Variants in MAP2K5 observed in about 807,000 individuals in gnomAD.
MAP2K5 encodes the protein mitogen-activated protein kinase kinase 5, also known as dual specificity mitogen-activated protein kinase kinase 5.
MAP2K5 carries 49 observed loss-of-function variants against 83.1 expected under a neutral mutation model. That is an observed-to-expected ratio of 0.59 (90% CI 0.47 to 0.75). The LOEUF is 0.75. Ranked by LOEUF, MAP2K5 falls within the 30% of genes least tolerant of loss-of-function variation. MAP2K5 has a pLI of 0.00. For synonymous variants in MAP2K5, 202 were observed against 191.8 expected (o/e 1.05, Z -0.44); for missense variants, 457 against 557.5 (o/e 0.82, Z 1.82).
Position 67,725,008 on chromosome 15 carries a change from C to T in MAP2K5, c.1045-2908C>T, listed in dbSNP as rs578032156. Among the ~76,000 whole-genome samples the T allele has an allele frequency of 2.6e-5, 4 of 152,292 alleles. No individual in the cohort carries two copies. The East Asian group carries it at 7.7e-4, about 29-fold the overall frequency. ...TGCAAGATGTCTTACAAGCAGTCCT[C>T]CCAGGAACATAGTTAAAAGGTAGGA... On this transcript the variant is annotated intron_variant, in intron 16 of 21. Coordinates refer to ENST00000178640, the MANE Select transcript of MAP2K5 (RefSeq NM_145160.3).
At position 67,717,611 on chromosome 15, in the gene MAP2K5, A is replaced by G. The variant is rs573138379; in HGVS notation, c.1045-10305A>G. The stretch of plus-strand genomic sequence containing the variant: ...TAAAATAACCATTTATTTACTCAGG[A>G]TTCTGTGGGTCAGGAATCCTAGCAA... On this transcript the variant is annotated intron_variant, in intron 16 of 21. Transcript: ENST00000178640. This position sits in a 1 kb window ranked among gnomAD's most constrained non-coding sequence, Gnocchi z 4.1. Among the ~76,000 whole-genome samples the G allele has an allele frequency of 2.6e-4, 40 of 152,316 alleles. 1 individual carries two copies. The highest frequency in any genetic ancestry group is 6.8e-3 in the Middle Eastern group (2 of 294).
rs554665905 is a variant in MAP2K5, at chr15:67,617,769, G to A, written c.546-13119G>A. Among the ~76,000 whole-genome samples the A allele has an allele frequency of 4.6e-5, 7 of 152,258 alleles. No individual in the cohort carries two copies. The South Asian group carries it at 1.2e-3, about 27-fold the overall frequency. On this transcript the variant is annotated intron_variant, in intron 8 of 21. Transcript: ENST00000178640. ...TGCAGTGATACGATCATGGCTTACT[G>A]TAGCATCAACCTCCCAGGCTCAAGT...
chr15:67,722,228 C>T lies in MAP2K5; in HGVS notation c.1045-5688C>T, dbSNP rs148882555. Reference sequence around the variant, plus strand: ...GATTCCACAAGTTATCAGCTAATGGCGTTATACATTAAAAATTGAAGCTTT... The same window carrying T: ...GATTCCACAAGTTATCAGCTAATGGTGTTATACATTAAAAATTGAAGCTTT... On this transcript the variant is annotated intron_variant, in intron 16 of 21. Transcript: ENST00000178640. The surrounding 1 kb of genome is among the most constrained non-coding windows in gnomAD (Gnocchi z 4.2). Among the ~76,000 whole-genome samples, 56 of 152,218 alleles carry T rather than the reference C, an allele frequency of 3.7e-4. No individual in the cohort carries two copies. In the East Asian group the frequency reaches 9.5e-3, roughly 26 times the overall value.
rs1001437161 is a variant in MAP2K5, at chr15:67,644,104, A to G, written c.586-2127A>G. On this transcript the variant is annotated intron_variant, in intron 9 of 21. Coordinates refer to ENST00000178640, the MANE Select transcript of MAP2K5 (RefSeq NM_145160.3). This position sits in a 1 kb window ranked among gnomAD's most constrained non-coding sequence, Gnocchi z 4.6. ...ATTCTCATCACTGCCTTTTAAAAGT[A>G]AAAAACAAGCTGGGCACGGTGGCTC... Among the ~76,000 whole-genome samples the G allele has an allele frequency of 1.3e-5, 2 of 152,168 alleles. No homozygotes were observed. The highest frequency in any genetic ancestry group is 2.9e-5 in the Non-Finnish European group (2 of 68,022).
chr15:67,751,974 C>G (rs1258020471), intron 19 of MAP2K5, among the ~76,000 whole-genome samples: 1 of 152,176 alleles, frequency 6.6e-6, no homozygotes, highest in Non-Finnish European at 1.5e-5. Context: ...TGCCTCTGTT[C>G]TCTATGGGCA....
chr15:67,784,655 C>G (rs1210983318), intron 21 of MAP2K5, among the ~76,000 whole-genome samples: 1 of 152,184 alleles, frequency 6.6e-6, no homozygotes, highest in Non-Finnish European at 1.5e-5. Context: ...TGCACCTGGT[C>G]TGTTAGTTGG....
chr15:67,556,678 A>G (rs2084633103), intron 2 of MAP2K5, among the ~76,000 whole-genome samples: 1 of 151,080 alleles, frequency 6.6e-6, no homozygotes, highest in Non-Finnish European at 1.5e-5. Flanking sequence ...CAGCCTCCCT[A>G]GTAGCTGGGA....
At position 67,652,731 on chromosome 15, in the gene MAP2K5, T is replaced by C. The variant is rs1343938557; in HGVS notation, c.737-5822T>C. On this transcript the variant is annotated intron_variant, in intron 11 of 21. Coordinates refer to ENST00000178640, the MANE Select transcript of MAP2K5 (RefSeq NM_145160.3). The surrounding 1 kb of genome is among the most constrained non-coding windows in gnomAD (Gnocchi z 4.2). ...GTTGTGCAACTGTCACCACCATCCA[T>C]CTGCAGAACTCTTTTTGTCTTGCAA... Among the ~76,000 whole-genome samples, 1 of 152,182 alleles carries C rather than the reference T, an allele frequency of 6.6e-6. No homozygotes were observed. Among genetic ancestry groups the C allele is most frequent in the Non-Finnish European group, 1.5e-5 (1 of 68,030 alleles).
At chr15:67,551,533 A>C (rs62015110) in intron 2 of MAP2K5, among the ~76,000 whole-genome samples, 1,843 of 152,124 alleles carry the variant, frequency 0.012, 24 homozygotes, top group South Asian at 0.017. Flanking sequence ...GGGTCTTGCT[A>C]TGTTGTCCAG....
intron 2 of MAP2K5, among the ~76,000 whole-genome samples, chr15:67,558,988 C>T (rs2140958940): frequency 6.6e-6 from 1 of 152,308 alleles, no homozygotes; most frequent in East Asian, 1.9e-4. Context: ...AAGAGGGAAG[C>T]AAGAAGCTAA....
chr15:67,544,926 A>G (rs948596064), intron 1 of MAP2K5, among the ~76,000 whole-genome samples: 5 of 152,126 alleles, frequency 3.3e-5, no homozygotes, highest in African/African-American at 1.2e-4. Flanking sequence ...AGTTCTCCAC[A>G]CAGTCATGCA....
In MAP2K5 at chr15:67,570,320, A is replaced by C. The variant is rs150112434; in HGVS notation, c.252+6970A>C. On this transcript the variant is annotated intron_variant, in intron 3 of 21. Transcript: ENST00000178640. ...CATCTGTCCAATAACATGAGCCTAT[A>C]AATAGGGCCCAGAGTTGGTCCCTGT... 1.2e-4 allele frequency among the ~76,000 whole-genome samples: 18 copies of C among 152,334 alleles called. No homozygotes were observed. The East Asian group carries it at 1.7e-3, about 15-fold the overall frequency.
intron 21 of MAP2K5, among the ~76,000 whole-genome samples, chr15:67,784,524 C>T (rs2090383300): frequency 6.6e-6 from 1 of 152,290 alleles, no homozygotes; most frequent in South Asian, 2.1e-4. Flanking sequence ...GGGCCGTGGT[C>T]GAGGCAGAGA....
intron 3 of MAP2K5, among the ~76,000 whole-genome samples, chr15:67,578,538 G>A (rs1255623346): frequency 6.6e-6 from 1 of 151,930 alleles, no homozygotes; most frequent in Non-Finnish European, 1.5e-5. Flanking sequence ...AAATATACTT[G>A]GATTTAGAGG....
rs1376177328 is a variant in MAP2K5, at chr15:67,748,969, T to C, written c.1134+368T>C. ...GTCATTCAGTAGGCAAGGGTCAGAG[T>C]TGAAGAGCAAGCATAAGCTGGATGA... On this transcript the variant is annotated intron_variant, in intron 19 of 21. Coordinates refer to ENST00000178640, the MANE Select transcript of MAP2K5 (RefSeq NM_145160.3). This position sits in a 1 kb window ranked among gnomAD's most constrained non-coding sequence, Gnocchi z 4.0. Among the ~76,000 whole-genome samples, 1 of 152,136 alleles carries C rather than the reference T, an allele frequency of 6.6e-6. No individual in the cohort carries two copies. The highest frequency in any genetic ancestry group is 1.5e-5 in the Non-Finnish European group (1 of 68,016).
chr15:67,654,797 A>C (rs904125123), intron 11 of MAP2K5, among the ~76,000 whole-genome samples: 1 of 152,154 alleles, frequency 6.6e-6, no homozygotes, highest in African/African-American at 2.4e-5. Context: ...ATGGTGGCTC[A>C]CACCTGTAAT....
At chr15:67,678,234 G>A (rs917214612) in intron 13 of MAP2K5, among the ~76,000 whole-genome samples, 20 of 152,152 alleles carry the variant, frequency 1.3e-4, no homozygotes, top group Middle Eastern at 3.4e-3. Context: ...GAGCATTGCT[G>A]AAGATCCCAG....
intron 21 of MAP2K5, among the ~76,000 whole-genome samples, chr15:67,776,150 G>T (rs772683430): frequency 6.6e-6 from 1 of 152,176 alleles, no homozygotes; most frequent in Admixed American, 6.5e-5. Context: ...TAAACTAAGC[G>T]TGCAGGCAGC....
At chr15:67,624,879 G>C (rs570140757) in intron 8 of MAP2K5, among the ~76,000 whole-genome samples, 1 of 152,146 alleles carries the variant, frequency 6.6e-6, no homozygotes, top group South Asian at 2.1e-4. Flanking sequence ...GATCCACCTG[G>C]CTTGGCCTCC....
Sources: gnomAD v4.1 joint callset for allele counts (sites outside exome capture counted in the v4.1 genomes callset) on GRCh38, gnomAD v4.1.1 for gene constraint, Gnocchi (gnomAD v3.1) non-coding constraint, MANE v1.5 for transcripts, NCBI Gene and HGNC (gene_info 2026-07-23, HGNC 2026-07-21) for gene names.